BORA: variants seen among roughly 807,000 people sequenced by gnomAD.
BORA encodes the protein protein aurora borealis.
In BORA, 26 loss-of-function variants were observed where a neutral mutation model predicts 55.8. The observed-to-expected ratio is 0.47, with a 90% confidence interval of 0.34 to 0.65. The LOEUF is 0.65. Among genes scored for constraint, BORA ranks in the 30% least tolerant of loss-of-function variants. The pLI is 0.01. For missense variants in BORA, 568 were observed against 671.5 expected (o/e 0.85, Z 1.70); for synonymous variants, 201 against 216.9 (o/e 0.93, Z 0.64).
Position 72,746,790 on chromosome 13 carries a change from G to A in BORA, c.1161G>A (p.Gln387=), listed in dbSNP as rs1454276310. The change falls in exon 10 of 12, where the codon CAG becomes CAA. Residue 387 remains glutamine (Q), a synonymous_variant. Transcript: ENST00000390667. ...AMDAAGIHLR[Q]FSNEASTHGT... ...ATGCTGCTGGAATACACCTACGGCA[G>A]TTTAGTAATGAGGCTTCTACCCATG... 1.2e-5 allele frequency: 19 copies of A among 1,614,032 alleles called. No homozygotes were observed. Among genetic ancestry groups the A allele is most frequent in the Non-Finnish European group, 1.6e-5 (19 of 1,180,018 alleles).
rs377216718 is a variant in BORA, at chr13:72,745,141, A to G, written c.672A>G (p.Leu224=). ...GSPHSGVQTS[L]EMFYSIDLSP... The stretch of plus-strand genomic sequence containing the variant: ...CTCACAGTGGTGTTCAAACATCACT[A>G]GAGATGTTTTATTCAATAGATTTGT... Residue 224 remains leucine, a synonymous_variant, in exon 8 of 12, where the codon CTA becomes CTG. Coordinates refer to ENST00000390667, the MANE Select transcript of BORA (RefSeq NM_024808.5). The G allele has an allele frequency of 1.9e-6, 3 of 1,614,006 alleles. No individual in the cohort carries two copies. Among genetic ancestry groups the G allele is most frequent in the Non-Finnish European group, 2.5e-6 (3 of 1,179,956 alleles).
Position 72,756,003 on chromosome 13 carries a change from G to C in BORA, c.*787G>C. 2.5e-6 allele frequency: 1 copy of C among 398,478 alleles called. No homozygotes were observed. Among genetic ancestry groups the C allele is most frequent in the Non-Finnish European group, 4.4e-6 (1 of 225,982 alleles). The allele number at this position is 398,478 out of a possible 1,614,324, so 24.7% of individuals were successfully genotyped here. ...GAGAGTGGAGTTCCCGTAGGGCATA[G>C]GCCTGTGAAGTAACACTGGGGCAGA... On this transcript the variant is annotated 3_prime_UTR_variant, in exon 12 of 12. Coordinates refer to ENST00000390667, the MANE Select transcript of BORA (RefSeq NM_024808.5).
At chr13:72,743,684 T>A in intron 6 of BORA, 82 bp downstream of exon 6, 1 of 1,010,582 alleles carries the variant, frequency 9.9e-7, no homozygotes. Flanking sequence ...GTAGTAACAC[T>A]TTACTCTGGA....
At position 72,755,200 on chromosome 13, in the gene BORA, A is replaced by G; in HGVS notation, c.1664A>G (p.Gln555Arg). Residue 555 changes from glutamine (Q) to arginine (R), a missense_variant, in exon 12 of 12, where the codon CAA becomes CGA. Gln to Arg is a conservative substitution (Grantham distance 43). Coordinates refer to ENST00000390667, the MANE Select transcript of BORA (RefSeq NM_024808.5). ...RCWMKTASPF[Q>R]CSSP ...TGGATGAAAACAGCAAGCCCTTTTC[A>G]ATGCAGCAGTCCATAGAATGCCTCT... 2 of 1,613,394 alleles carry G rather than the reference A, an allele frequency of 1.2e-6. No individual in the cohort carries two copies. The highest frequency in any genetic ancestry group is 1.7e-6 in the Non-Finnish European group (2 of 1,179,488).
intron 4 of BORA, among the ~76,000 whole-genome samples, chr13:72,735,937 G>A (rs1471839720): frequency 3.3e-5 from 5 of 152,150 alleles, no homozygotes; most frequent in Non-Finnish European, 5.9e-5. Flanking sequence ...TACTTACCTT[G>A]TTCTTTCCTC....
chr13:72,754,025 A>G, intron 11 of BORA: 1 of 493,732 alleles, frequency 2.0e-6, no homozygotes, highest in Non-Finnish European at 3.5e-6. Flanking sequence ...AAGTGTGCAA[A>G]GGTAGCGTGT....
rs78322664 is a variant in BORA at position 72,750,789 on chromosome 13, G to A, written c.1483-2901G>A. 6.6e-5 allele frequency among the ~76,000 whole-genome samples: 10 copies of A among 152,134 alleles called. No homozygotes were observed. The East Asian group carries it at 1.4e-3, about 21-fold the overall frequency. On this transcript the variant is annotated intron_variant, in intron 10 of 11. Transcript: ENST00000390667. ...ATACCTTACAGATATAATAGATATC[G>A]TCATCTGTCAAATGGTGATCTGTTT...
intron 11 of BORA, 52 bp downstream of exon 11, chr13:72,753,873 A>T (rs2033354393): frequency 6.7e-6 from 10 of 1,493,726 alleles, no homozygotes; most frequent in Non-Finnish European, 9.1e-6. Context: ...AGAAATATAA[A>T]ATAATTTTGA....
intron 2 of BORA, among the ~76,000 whole-genome samples, 177 bp downstream of exon 2, chr13:72,729,270 A>C (rs1300091457): frequency 3.1e-5 from 4 of 130,222 alleles, no homozygotes; most frequent in South Asian, 5.9e-4. Flanking sequence ...TTAGGTTAAT[A>C]AGTTAGCTAG....
At position 72,745,947 on chromosome 13, in the gene BORA, C is replaced by T; in HGVS notation, c.742C>T (p.Gln248Ter). The T allele has an allele frequency of 1.2e-6, 2 of 1,603,240 alleles. No homozygotes were observed. The highest frequency in any genetic ancestry group is 1.7e-6 in the Non-Finnish European group (2 of 1,175,894). ...RSPLQTPSSG[Q>*]FSSSPIQASA... is the part of the protein sequence containing the mutation. The stretch of plus-strand genomic sequence containing the variant: ...TTACTATTTAATTTTATTACAGGGG[C>T]AGTTTTCTTCTAGCCCTATTCAGGC... Residue 248 changes from glutamine (Q) to a stop codon, truncating the protein, a stop_gained, in exon 9 of 12, where the codon CAG (glutamine) becomes TAG (stop). Transcript: ENST00000390667. LOFTEE classifies it high-confidence loss of function.
At chr13:72,728,331 G>C in intron 1 of BORA, 2 of 609,466 alleles carry the variant, frequency 3.3e-6, no homozygotes, top group Non-Finnish European at 5.9e-6. Flanking sequence ...GGGGTGGAGG[G>C]GAGGTCTTGG....
At position 72,740,825 on chromosome 13, in the gene BORA, A is replaced by ATCTAGGT. The variant is rs2033020347; in HGVS notation, c.389-2710_389-2704dup. ...CTGACCCTTACTCTAGTGTAATATTATCTAGGTTTGAATTGTACCCAGTAA... is the reference window on the plus strand; with the variant it reads ...CTGACCCTTACTCTAGTGTAATATTATCTAGGTTCTAGGTTTGAATTGTACCCAGTAA... On this transcript the variant is annotated intron_variant, in intron 5 of 11. Transcript: ENST00000390667. Among the ~76,000 whole-genome samples, 3 of 152,316 alleles carry ATCTAGGT rather than the reference A, an allele frequency of 2.0e-5. No individual in the cohort carries two copies. In the South Asian group the frequency reaches 6.2e-4, roughly 32 times the overall value.
Position 72,755,294 on chromosome 13 carries a change from G to A in BORA, c.*78G>A. On this transcript the variant is annotated 3_prime_UTR_variant, in exon 12 of 12. Coordinates refer to ENST00000390667, the MANE Select transcript of BORA (RefSeq NM_024808.5). ...TTGTGCACAGGATCAACATGATGGT[G>A]ACTGGGAAAAAATTACTTCAAGTAA... is the stretch of plus-strand genomic sequence containing the variant. 1.6e-6 allele frequency: 2 copies of A among 1,273,258 alleles called. No homozygotes were observed. The highest frequency in any genetic ancestry group is 2.2e-6 in the Non-Finnish European group (2 of 889,432). 78.9% of individuals were successfully genotyped at this position (1,273,258 alleles called of 1,614,324 possible).
At chr13:72,744,413 A>G (rs1056149052) in intron 6 of BORA, 92 bp from the exon 7 acceptor site, 19 of 1,051,208 alleles carry the variant, frequency 1.8e-5, no homozygotes, top group Non-Finnish European at 2.1e-5. Flanking sequence ...CGGGGAGATG[A>G]TTGACTGGGC....
At position 72,746,992 on chromosome 13, in the gene BORA, GGCA is replaced by G; in HGVS notation, c.1365_1367del (p.Ser456del). On this transcript the variant is annotated inframe_deletion, in exon 10 of 12. Transcript: ENST00000390667. The stretch of plus-strand genomic sequence containing the variant: ...TTGGATTAAGGAGCCGGTTGATAAT[GGCA>G]GTTTACCCATGACTGATTTTGTAAG... 6.2e-7 allele frequency: 1 copy of G among 1,614,084 alleles called. No individual in the cohort carries two copies. The highest frequency in any genetic ancestry group is 8.5e-7 in the Non-Finnish European group (1 of 1,179,986).
At chr13:72,728,030 C>T in intron 1 of BORA, 23 bp downstream of exon 1, 1 of 1,550,462 alleles carries the variant, frequency 6.4e-7, no homozygotes, top group African/African-American at 1.4e-5. Flanking sequence ...TTTGTGGTCC[C>T]TGGCCTTTCC....
At chr13:72,745,580 G>C (rs1038818738) in intron 8 of BORA, among the ~76,000 whole-genome samples, 1 of 152,320 alleles carries the variant, frequency 6.6e-6, no homozygotes, top group South Asian at 2.1e-4. Context: ...AGGATGACCA[G>C]ATTTATCATG....
At chr13:72,750,228 A>G (rs985095995) in intron 10 of BORA, among the ~76,000 whole-genome samples, 45 of 152,348 alleles carry the variant, frequency 3.0e-4, no homozygotes, top group African/African-American at 9.9e-4. Flanking sequence ...TTTAAGCAGG[A>G]AAGAATGGTT....
chr13:72,746,783 T>G lies in BORA; in HGVS notation c.1154T>G (p.Leu385Arg). The stretch of plus-strand genomic sequence containing the variant: ...GCCATGGATGCTGCTGGAATACACC[T>G]ACGGCAGTTTAGTAATGAGGCTTCT... ...SPAMDAAGIHLRQFSNEASTH... is the reference protein window; with the variant it reads ...SPAMDAAGIHRRQFSNEASTH... The change falls in exon 10 of 12, where the codon CTA (leucine) becomes CGA (arginine). Residue 385 changes from leucine to arginine, a missense_variant. Leu to Arg is a moderately radical substitution (Grantham distance 102). Transcript: ENST00000390667. 1.2e-6 allele frequency: 2 copies of G among 1,614,170 alleles called. No homozygotes were observed. The highest frequency in any genetic ancestry group is 8.5e-7 in the Non-Finnish European group (1 of 1,180,008).
Sources: gnomAD v4.1 joint callset for allele counts (sites outside exome capture counted in the v4.1 genomes callset) on GRCh38, gnomAD v4.1.1 for gene constraint, MANE v1.5 for transcripts, NCBI Gene and HGNC (gene_info 2026-07-23, HGNC 2026-07-21) for gene names.